RECQL: variants seen among roughly 807,000 people sequenced by gnomAD.
RECQL encodes RecQ like helicase.
In RECQL, 73 loss-of-function variants were observed where a neutral mutation model predicts 75.8. That is an observed-to-expected ratio of 0.96 (90% CI 0.80 to 1.17). The LOEUF (loss-of-function observed/expected upper bound fraction) is 1.17, where lower values mean the gene tolerates loss of function less well. Ranked by LOEUF, RECQL falls within the 50% of genes most tolerant of loss-of-function variation. The pLI is 0.00. For missense variants in RECQL, 699 were observed against 772.1 expected, an observed-to-expected ratio of 0.91 and a Z score of 1.12; for synonymous variants, 248 against 254.4, an observed-to-expected ratio of 0.97 and a Z score of 0.24.
In RECQL at chr12:21,474,832, G is replaced by A. The variant is rs773993774; in HGVS notation, c.1355+9C>T. 3 of 1,611,112 alleles carry A rather than the reference G, an allele frequency of 1.9e-6. No homozygotes were observed. The highest frequency in any genetic ancestry group is 2.2e-5 in the South Asian group (2 of 90,880). ...ATTGATAAAAGTTATAAAAAGGTAT[G>A]TGGCTTACTTGCTTATGTTTTGACA... On this transcript the variant is annotated intron_variant, in intron 11 of 14. Coordinates refer to ENST00000444129, the MANE Select transcript of RECQL (RefSeq NM_002907.4).
Position 21,476,894 on chromosome 12 carries a change from G to A in RECQL, c.949+17C>T. The A allele has an allele frequency of 2.6e-6, 4 of 1,567,468 alleles. No individual in the cohort carries two copies. The highest frequency in any genetic ancestry group is 3.5e-6 in the Non-Finnish European group (4 of 1,150,682). On this transcript the variant is annotated intron_variant, in intron 8 of 14. Transcript: ENST00000444129. Reference sequence around the variant, plus strand: ...AAAGTTATCTCTGTCTCCAAAGTTGGTTTGTTTTTACATTACCTGATTGCC... The same window carrying A: ...AAAGTTATCTCTGTCTCCAAAGTTGATTTGTTTTTACATTACCTGATTGCC...
chr12:21,479,528 T>C (rs966604029), intron 6 of RECQL, among the ~76,000 whole-genome samples: 1 of 151,980 alleles, frequency 6.6e-6, no homozygotes, highest in African/African-American at 2.4e-5. Flanking sequence ...AATTTTTATA[T>C]TTTTAGTAGA....
chr12:21,475,927 GA>G, intron 8 of RECQL, 103 bp from the exon 9 acceptor site: 4 of 926,780 alleles, frequency 4.3e-6, no homozygotes, highest in African/African-American at 1.7e-5. Flanking sequence ...TGCACAGAAG[GA>G]AAAAAAGAAT....
chr12:21,475,593 A>G lies in RECQL; in HGVS notation c.1099-8T>C. ...AACAGTTGCCACTACTACCTGAAAT[A>G]TTTTAACATTTTATCAGTTAATTAA... On this transcript the variant is annotated splice_polypyrimidine_tract_variant and splice_region_variant and intron_variant, in intron 9 of 14. Transcript: ENST00000444129. The G allele has an allele frequency of 6.2e-7, 1 of 1,609,192 alleles. No homozygotes were observed. Among genetic ancestry groups the G allele is most frequent in the Middle Eastern group, 1.7e-4 (1 of 6,040 alleles).
chr12:21,471,367 C>T, intron 13 of RECQL, 61 bp downstream of exon 13: 1 of 1,447,728 alleles, frequency 6.9e-7, no homozygotes, highest in Non-Finnish European at 9.4e-7. Flanking sequence ...TATTCTGTTG[C>T]AATTTTTAAA....
At position 21,475,724 on chromosome 12, in the gene RECQL, TG is replaced by T; in HGVS notation, c.1049del (p.Pro350GlnfsTer18). 1 of 1,613,576 alleles carries T rather than the reference TG, an allele frequency of 6.2e-7. No homozygotes were observed. The highest frequency in any genetic ancestry group is 8.5e-7 in the Non-Finnish European group (1 of 1,179,588). On this transcript the variant is annotated frameshift_variant, in exon 9 of 15. Coordinates refer to ENST00000444129, the MANE Select transcript of RECQL (RefSeq NM_002907.4). LOFTEE classifies it high-confidence loss of function. ...HAGAYHANLE[P>X]EDKTTVHRKW... ...TTCTATGAACTGTGGTCTTATCTTC[TG>T]GCTCCAAATTGGCATGGTAAGCACC... is the stretch of plus-strand genomic sequence containing the variant.
chr12:21,469,761 A>G lies in RECQL; in HGVS notation c.*433T>C, dbSNP rs1138675. The G allele has an allele frequency of 0.18, 28,101 of 153,596 alleles. 2,631 individuals carry two copies. The highest frequency in any genetic ancestry group is 0.28 in the Middle Eastern group (81 of 292). 9.5% of individuals were successfully genotyped at this position (153,596 alleles called of 1,614,324 possible). A position where few individuals can be genotyped will look rare whatever the true frequency, so the allele number is the denominator to read the frequency against. On this transcript the variant is annotated 3_prime_UTR_variant, in exon 15 of 15. Coordinates refer to ENST00000444129, the MANE Select transcript of RECQL (RefSeq NM_002907.4). ...GCGGCCCAAGACAATTCTTCTTCCA[A>G]TGTGGCTCAGGGAAGCCAAAAGATT... is the stretch of plus-strand genomic sequence containing the variant.
At position 21,483,584 on chromosome 12, in the gene RECQL, G is replaced by GA. The variant is rs1447402152; in HGVS notation, c.502-11dup. Reference sequence around the variant, plus strand: ...CCCATTTAACATGCTCCTATTAAAAGAAAAAAATAGACACAATGATAGTAA... The same window carrying GA: ...CCCATTTAACATGCTCCTATTAAAAGAAAAAAAATAGACACAATGATAGTAA... On this transcript the variant is annotated splice_polypyrimidine_tract_variant and intron_variant, in intron 5 of 14. Transcript: ENST00000444129. 6 of 1,542,264 alleles carry GA rather than the reference G, an allele frequency of 3.9e-6. No homozygotes were observed. The highest frequency in any genetic ancestry group is 4.4e-6 in the Non-Finnish European group (5 of 1,148,460).
At position 21,471,570 on chromosome 12, in the gene RECQL, T is replaced by G; in HGVS notation, c.1525A>C (p.Lys509Gln). 1 of 1,612,818 alleles carries G rather than the reference T, an allele frequency of 6.2e-7. No homozygotes were observed. Among genetic ancestry groups the G allele is most frequent in the Non-Finnish European group, 8.5e-7 (1 of 1,179,276 alleles). ...ILKQAEELNEKLTPLKLIDSW... is the reference protein window; with the variant it reads ...ILKQAEELNEQLTPLKLIDSW... ...TCAATCAGTTTCAATGGAGTGAGTT[T>G]TTCATTCAGTTCCTCTGCCTGCTTC... Residue 509 changes from lysine (K) to glutamine (Q), a missense_variant, in exon 13 of 15, where the codon AAA becomes CAA. Lys to Gln is a moderately conservative substitution (Grantham distance 53). This residue lies in a region of RECQL where 669 missense variants were observed against 713.5 expected (regional missense o/e 0.94). Coordinates refer to ENST00000444129, the MANE Select transcript of RECQL (RefSeq NM_002907.4).
In RECQL at chr12:21,473,635, G is replaced by T. The variant is rs199740132; in HGVS notation, c.1363C>A (p.Arg455Ser). The T allele has an allele frequency of 5.6e-6, 9 of 1,611,462 alleles. No homozygotes were observed. The African/African-American group carries it at 1.2e-4, about 22-fold the overall frequency. Residue 455 changes from arginine to serine, a missense_variant, in exon 12 of 15, where the codon CGT becomes AGT. Transcript: ENST00000444129. ...TCAAAATGTTGAGCCATCAACACAC[G>T]ACGACATCTGCAAACACATTTAAAG... ...SYCQNISKCRRVLMAQHFDEV... is the reference protein window; with the variant it reads ...SYCQNISKCRSVLMAQHFDEV...
chr12:21,485,730 A>T (rs1943282187), intron 5 of RECQL, among the ~76,000 whole-genome samples: 1 of 152,134 alleles, frequency 6.6e-6, no homozygotes, highest in Non-Finnish European at 1.5e-5. Context: ...ACTAAGAGGA[A>T]AGGGGTAGGG....
intron 2 of RECQL, among the ~76,000 whole-genome samples, chr12:21,492,772 T>C (rs142019292): frequency 1.2e-4 from 19 of 152,358 alleles, no homozygotes; most frequent in East Asian, 7.7e-4. Flanking sequence ...CTGCTAAATC[T>C]TGGTGGAACA....
At chr12:21,474,296 C>G (rs968666823) in intron 11 of RECQL, among the ~76,000 whole-genome samples, 17 of 152,026 alleles carry the variant, frequency 1.1e-4, no homozygotes. Context: ...CTATCACTGT[C>G]TGGCTGCTAT....
intron 5 of RECQL, among the ~76,000 whole-genome samples, chr12:21,485,820 G>A (rs1346376773): frequency 6.6e-6 from 1 of 152,062 alleles, no homozygotes; most frequent in Non-Finnish European, 1.5e-5. Context: ...CTACATGGCA[G>A]TTTTTATGCT....
chr12:21,475,594 T>C lies in RECQL; in HGVS notation c.1099-9A>G, dbSNP rs1368607230. ...ACAGTTGCCACTACTACCTGAAATA[T>C]TTTAACATTTTATCAGTTAATTAAA... On this transcript the variant is annotated splice_polypyrimidine_tract_variant and intron_variant, in intron 9 of 14. Coordinates refer to ENST00000444129, the MANE Select transcript of RECQL (RefSeq NM_002907.4). 1 of 1,609,064 alleles carries C rather than the reference T, an allele frequency of 6.2e-7. No individual in the cohort carries two copies. Among genetic ancestry groups the C allele is most frequent in the Non-Finnish European group, 8.5e-7 (1 of 1,177,262 alleles).
At chr12:21,490,918 G>A (rs1943399622) in intron 3 of RECQL, among the ~76,000 whole-genome samples, 2 of 152,138 alleles carry the variant, frequency 1.3e-5, no homozygotes, top group African/African-American at 4.8e-5. Flanking sequence ...CACAAGAAAG[G>A]AAGGTGTTTG....
chr12:21,486,166 T>G (rs1251292580), intron 5 of RECQL, among the ~76,000 whole-genome samples: 1 of 152,208 alleles, frequency 6.6e-6, no homozygotes, highest in Non-Finnish European at 1.5e-5. Context: ...AGACAACATG[T>G]CAACAAATGA....
intron 14 of RECQL, 91 bp downstream of exon 14, chr12:21,470,878 A>G (rs959754775): frequency 3.3e-6 from 3 of 917,878 alleles, no homozygotes; most frequent in Non-Finnish European, 4.4e-6. Flanking sequence ...CTCATGTTCA[A>G]CTGGACCTAG....
At chr12:21,476,398 A>G (rs1233088336) in intron 8 of RECQL, among the ~76,000 whole-genome samples, 3 of 152,196 alleles carry the variant, frequency 2.0e-5, no homozygotes, top group East Asian at 3.9e-4. Flanking sequence ...TTAAAATGCT[A>G]CTTTCACACA....
Sources: allele counts gnomAD v4.1 joint callset (sites outside exome capture counted in the v4.1 genomes callset), GRCh38; gene constraint gnomAD v4.1.1; regional missense constraint gnomAD v4.1.1; transcripts MANE v1.5; gene names NCBI Gene and HGNC (gene_info 2026-07-23, HGNC 2026-07-21).